Variants in ARHGAP6 observed in about 807,000 individuals in gnomAD.
The protein encoded by ARHGAP6 is rho GTPase-activating protein 6.
ARHGAP6 carries 16 observed loss-of-function variants against 55.7 expected under a neutral mutation model. The observed-to-expected ratio is 0.29, with a 90% CI of 0.19 to 0.44. The LOEUF is 0.44. ARHGAP6 is among the 20% of genes least tolerant of loss of function. ARHGAP6 has a pLI of 1.00. For synonymous variants in ARHGAP6, 382 were observed against 360.9 expected, an observed-to-expected ratio of 1.06 and a Z score of -0.66; for missense variants, 698 against 808.9, an observed-to-expected ratio of 0.86 and a Z score of 1.66.
chrX:11,203,681 A>C lies in ARHGAP6; in HGVS notation c.749-6685T>G, dbSNP rs374152397. On this transcript the variant is annotated intron_variant, in intron 2 of 12. Transcript: ENST00000337414. ...TTCTGGGGCGACATCTAAAACTTTC[A>C]CAAGGTTCTCAAGAGAGTCTACTGG... Among the ~76,000 whole-genome samples, 4 of 111,991 alleles carry C rather than the reference A, an allele frequency of 3.6e-5. No homozygotes were observed. In the East Asian group the frequency reaches 8.4e-4, roughly 23 times the overall value.
intron 2 of ARHGAP6, among the ~76,000 whole-genome samples, chrX:11,203,138 T>G (rs1221827757): frequency 3.6e-5 from 4 of 111,822 alleles, no homozygotes; most frequent in African/African-American, 1.3e-4. Context: ...AATGCAAAAC[T>G]TTGGGCTCCT....
intron 1 of ARHGAP6, among the ~76,000 whole-genome samples, chrX:11,600,843 G>T (rs1380143052): frequency 8.9e-6 from 1 of 112,134 alleles, no homozygotes; most frequent in African/African-American, 3.2e-5. Flanking sequence ...CCGTAGCACA[G>T]CTTCCCATTG....
intron 1 of ARHGAP6, among the ~76,000 whole-genome samples, chrX:11,402,000 A>T (rs905785284): frequency 8.9e-5 from 10 of 111,939 alleles, no homozygotes; most frequent in African/African-American, 3.2e-4. Flanking sequence ...TCACTGTCCA[A>T]TAACTTTATG....
intron 2 of ARHGAP6, among the ~76,000 whole-genome samples, chrX:11,216,731 ATACTTT>A (rs1280580016): frequency 3.6e-5 from 4 of 111,355 alleles, no homozygotes; most frequent in Non-Finnish European, 3.8e-5. Context: ...TTTTTTTATT[ATACTTT>A]AAGTTATATG....
At chrX:11,152,592 CT>C (rs955884599) in intron 10 of ARHGAP6, among the ~76,000 whole-genome samples, 24 of 111,714 alleles carry the variant, frequency 2.1e-4, no homozygotes, top group African/African-American at 7.2e-4. Flanking sequence ...CCTCCACAGT[CT>C]TCAAAGTTCA....
At chrX:11,241,527 G>A (rs2047278801) in intron 2 of ARHGAP6, among the ~76,000 whole-genome samples, 1 of 92,388 alleles carries the variant, frequency 1.1e-5, no homozygotes, top group African/African-American at 4.2e-5. Flanking sequence ...GGCAATGCTG[G>A]ATACGTGTGT....
intron 1 of ARHGAP6, among the ~76,000 whole-genome samples, chrX:11,322,681 G>T (rs1335129013): frequency 2.7e-5 from 3 of 112,087 alleles, no homozygotes; most frequent in Non-Finnish European, 5.6e-5. Context: ...GGATAAAATT[G>T]TCCACAATGT....
At chrX:11,524,902 G>C (rs1164029666) in intron 1 of ARHGAP6, among the ~76,000 whole-genome samples, 1 of 111,503 alleles carries the variant, frequency 9.0e-6, no homozygotes, top group Non-Finnish European at 1.9e-5. Context: ...TCAGGTATTA[G>C]AGTCTCATAA....
At chrX:11,260,987 G>A (rs5979387) in intron 1 of ARHGAP6, among the ~76,000 whole-genome samples, 2,477 of 111,255 alleles carry the variant, frequency 0.022, 25 homozygotes, top group Middle Eastern at 0.065. Context: ...TCATTTTGAT[G>A]TTCTCGGTAT....
intron 1 of ARHGAP6, among the ~76,000 whole-genome samples, chrX:11,424,079 C>T (rs1236515385): frequency 8.9e-6 from 1 of 112,647 alleles, no homozygotes; most frequent in African/African-American, 3.2e-5. Context: ...CATTAAGTCA[C>T]TGAAGGTCCA....
At chrX:11,294,703 T>G (rs1045414805) in intron 1 of ARHGAP6, 4 of 1,029,005 alleles carry the variant, frequency 3.9e-6, no homozygotes, top group Admixed American at 2.2e-5. Flanking sequence ...GTAGATTATG[T>G]GTGTTTTATG....
chrX:11,606,490 G>A (rs2147147811), intron 1 of ARHGAP6, among the ~76,000 whole-genome samples: 1 of 111,711 alleles, frequency 9.0e-6, no homozygotes, highest in South Asian at 3.8e-4. Context: ...AGATCCAAGG[G>A]TCTTAGCAGT....
intron 1 of ARHGAP6, among the ~76,000 whole-genome samples, chrX:11,627,353 A>T (rs966840027): frequency 4.5e-5 from 5 of 111,531 alleles, no homozygotes; most frequent in African/African-American, 1.6e-4. Context: ...TAGCCAAGAA[A>T]ATTTTGAAGA....
intron 2 of ARHGAP6, among the ~76,000 whole-genome samples, chrX:11,234,046 T>G (rs1012853571): frequency 1.8e-5 from 2 of 112,589 alleles, no homozygotes; most frequent in African/African-American, 3.2e-5. Flanking sequence ...GGGAAACTGA[T>G]GGTCGTATTT....
chrX:11,470,928 T>A (rs769852278), intron 1 of ARHGAP6, among the ~76,000 whole-genome samples: 1 of 112,026 alleles, frequency 8.9e-6, no homozygotes, highest in East Asian at 2.8e-4. Context: ...GAAACAGCAA[T>A]GTGGCTTTAC....
intron 1 of ARHGAP6, among the ~76,000 whole-genome samples, chrX:11,557,917 A>G (rs1303548776): frequency 8.9e-6 from 1 of 111,917 alleles, no homozygotes; most frequent in African/African-American, 3.3e-5. Context: ...TATGAGAAGT[A>G]ACTCAGCCCA....
At chrX:11,287,706 C>G (rs781182566) in intron 1 of ARHGAP6, among the ~76,000 whole-genome samples, 3 of 112,189 alleles carry the variant, frequency 2.7e-5, no homozygotes, top group Non-Finnish European at 5.6e-5. Context: ...TCTGCCCATT[C>G]CCGTTTCTCT....
intron 2 of ARHGAP6, among the ~76,000 whole-genome samples, chrX:11,214,297 A>C (rs1426890441): frequency 3.6e-5 from 4 of 110,411 alleles, no homozygotes; most frequent in Non-Finnish European, 7.6e-5. Context: ...GTGTGTGTGC[A>C]CATACATATA....
intron 1 of ARHGAP6, among the ~76,000 whole-genome samples, chrX:11,475,044 A>C (rs1319907423): frequency 9.0e-6 from 1 of 111,010 alleles, no homozygotes; most frequent in Non-Finnish European, 1.9e-5. Context: ...AATCTAAATA[A>C]ATCTCTTTTC....
Sources: gnomAD v4.1 joint callset for allele counts (sites outside exome capture counted in the v4.1 genomes callset) on GRCh38, gnomAD v4.1.1 for gene constraint, MANE v1.5 for transcripts, NCBI Gene and HGNC (gene_info 2026-07-23, HGNC 2026-07-21) for gene names.